MFAP1: variants seen among roughly 807,000 people sequenced by gnomAD.
MFAP1 encodes the protein microfibrillar-associated protein 1.
MFAP1 carries 18 observed loss-of-function variants against 62.2 expected under a neutral mutation model. The ratio of observed to expected loss-of-function variants is 0.29; its 90% confidence interval spans 0.20 to 0.43. The LOEUF (loss-of-function observed/expected upper bound fraction) is 0.43. Ranked by LOEUF, MFAP1 falls within the 20% of genes least tolerant of loss-of-function variation. The probability of loss-of-function intolerance (pLI) is 1.00; values close to 1 mark genes in which losing one functional copy is unlikely to be tolerated. For missense variants in MFAP1, 355 were observed against 559.7 expected (o/e 0.63, Z 3.69); for synonymous variants, 175 against 180.4 (o/e 0.97, Z 0.24).
rs867363170 is a variant in MFAP1, at chr15:43,807,224, G to A, written c.1048-1759C>T. On this transcript the variant is annotated intron_variant, in intron 7 of 8. Coordinates refer to ENST00000267812, the MANE Select transcript of MFAP1 (RefSeq NM_005926.3). ...AAACTAGTTGGGCGTGGTGGTACAC[G>A]CCTGTATTCCCAGCTACTTGGGGGA... Among the ~76,000 whole-genome samples the A allele has an allele frequency of 3.0e-4, 46 of 151,178 alleles. No individual in the cohort carries two copies. In the Middle Eastern group the frequency reaches 0.01, roughly 34 times the overall value.
chr15:43,815,134 G>A, intron 2 of MFAP1, 60 bp from the exon 3 acceptor site: 3 of 1,598,604 alleles, frequency 1.9e-6, no homozygotes, highest in Non-Finnish European at 2.6e-6. Flanking sequence ...AGCATCAACT[G>A]CATTTCCATA....
chr15:43,821,250 A>G (rs1475768809), intron 1 of MFAP1, among the ~76,000 whole-genome samples: 3 of 152,224 alleles, frequency 2.0e-5, no homozygotes, highest in African/African-American at 4.8e-5. Context: ...GAAAGATAAA[A>G]AAGATGTAAA....
chr15:43,816,228 ATTTTT>A (rs146517323), intron 2 of MFAP1, among the ~76,000 whole-genome samples: 1 of 142,790 alleles, frequency 7.0e-6, no homozygotes, highest in Non-Finnish European at 1.5e-5. Flanking sequence ...CTGTAATTTT[ATTTTT>A]TTTTCTTTTT....
In MFAP1 at chr15:43,808,525, T is replaced by C. The variant is rs147237604; in HGVS notation, c.1047+1230A>G. On this transcript the variant is annotated intron_variant, in intron 7 of 8. Transcript: ENST00000267812. The stretch of plus-strand genomic sequence containing the variant: ...AGGACTTTCACATACACTTTTCTTA[T>C]GTATCTTAACTAGCAATGAACTGCT... 5.1e-4 allele frequency among the ~76,000 whole-genome samples: 77 copies of C among 152,348 alleles called. 1 individual carries two copies. The highest frequency in any genetic ancestry group is 1.7e-3 in the African/African-American group (72 of 41,578).
At chr15:43,822,926 C>T (rs544469592) in intron 1 of MFAP1, among the ~76,000 whole-genome samples, 7 of 151,820 alleles carry the variant, frequency 4.6e-5, no homozygotes, top group Non-Finnish European at 7.4e-5. Flanking sequence ...GCAACCTCTG[C>T]CCCCTGAGTT....
chr15:43,806,163 C>T (rs1408688846), intron 7 of MFAP1, among the ~76,000 whole-genome samples: 3 of 152,000 alleles, frequency 2.0e-5, no homozygotes, highest in Non-Finnish European at 2.9e-5. Context: ...TTGGCTTATT[C>T]TCTGCACTCA....
At chr15:43,808,579 C>T (rs537977368) in intron 7 of MFAP1, among the ~76,000 whole-genome samples, 41 of 152,314 alleles carry the variant, frequency 2.7e-4, no homozygotes, top group African/African-American at 9.1e-4. Context: ...ATTAAAGCTG[C>T]GAACTGCTTA....
intron 4 of MFAP1, among the ~76,000 whole-genome samples, chr15:43,813,869 C>G (rs1461817948): frequency 6.6e-6 from 1 of 152,098 alleles, no homozygotes; most frequent in Non-Finnish European, 1.5e-5. Flanking sequence ...GCCTAGACAG[C>G]AAAGAACCTG....
chr15:43,824,404 TG>T, intron 1 of MFAP1, 86 bp downstream of exon 1: 1 of 1,312,502 alleles, frequency 7.6e-7, no homozygotes, highest in African/African-American at 1.5e-5. Flanking sequence ...CTGGCGGGGT[TG>T]GAGTGGTCTG....
chr15:43,812,332 C>T (rs2087407169), intron 6 of MFAP1, among the ~76,000 whole-genome samples: 1 of 152,150 alleles, frequency 6.6e-6, no homozygotes, highest in Non-Finnish European at 1.5e-5. Flanking sequence ...TGTTTCTCCA[C>T]CTGCTTAAAG....
chr15:43,824,353 G>T, intron 1 of MFAP1, 138 bp downstream of exon 1: 1 of 771,638 alleles, frequency 1.3e-6, no homozygotes, highest in Non-Finnish European at 2.1e-6. Context: ...AAGTGGGTGG[G>T]GGTGGAAAGA....
intron 4 of MFAP1, 127 bp from the exon 5 acceptor site, chr15:43,813,484 A>T (rs2087415701): frequency 1.2e-6 from 1 of 828,066 alleles, no homozygotes; most frequent in African/African-American, 1.8e-5. Context: ...TTCAAAGAGC[A>T]AAAAACGCTG....
In MFAP1 at chr15:43,809,337, C is replaced by CA. The variant is rs1170635608; in HGVS notation, c.1047+417dup. Among the ~76,000 whole-genome samples, 811 of 109,510 alleles carry CA rather than the reference C, an allele frequency of 7.4e-3. 7 individuals are homozygous for CA. The highest frequency in any genetic ancestry group is 0.021 in the South Asian group (70 of 3,378). 71.8% of individuals were successfully genotyped at this position (109,510 alleles called of 152,430 possible). On this transcript the variant is annotated intron_variant, in intron 7 of 8. Coordinates refer to ENST00000267812, the MANE Select transcript of MFAP1 (RefSeq NM_005926.3). ...TACGAAAAATTAAAAAAAAAATAAC[C>CA]AAAAAAAAAAAAAAAGCCAGGCATG...
At chr15:43,821,708 T>C (rs2087468008) in intron 1 of MFAP1, among the ~76,000 whole-genome samples, 1 of 152,168 alleles carries the variant, frequency 6.6e-6, no homozygotes, top group Non-Finnish European at 1.5e-5. Context: ...GAAAAACTTA[T>C]CTTAAATATT....
intron 6 of MFAP1, among the ~76,000 whole-genome samples, chr15:43,812,656 T>C (rs1193718853): frequency 6.6e-6 from 1 of 152,158 alleles, no homozygotes; most frequent in Non-Finnish European, 1.5e-5. Context: ...TGAAAAGTAA[T>C]AAATTATAGT....
intron 7 of MFAP1, among the ~76,000 whole-genome samples, chr15:43,808,284 C>T (rs1304880697): frequency 6.6e-6 from 1 of 152,226 alleles, no homozygotes; most frequent in Non-Finnish European, 1.5e-5. Flanking sequence ...CGGCTGACTG[C>T]AGCCTCAACC....
chr15:43,813,506 GTC>G (rs1419633347), intron 4 of MFAP1, 149 bp from the exon 5 acceptor site: 28 of 512,422 alleles, frequency 5.5e-5, no homozygotes, highest in Non-Finnish European at 7.4e-5. Context: ...GTCATCCCAG[GTC>G]TTTTTTTTTT....
At chr15:43,822,831 A>T in intron 1 of MFAP1, among the ~76,000 whole-genome samples, 1 of 151,166 alleles carries the variant, frequency 6.6e-6, no homozygotes, top group Non-Finnish European at 1.5e-5. Flanking sequence ...GCTAATTTTT[A>T]ATTATTATTA....
chr15:43,806,259 A>G (rs2087364756), intron 7 of MFAP1, among the ~76,000 whole-genome samples: 2 of 152,132 alleles, frequency 1.3e-5, no homozygotes, highest in South Asian at 2.1e-4. Flanking sequence ...TTCATATATC[A>G]TAAGTTGGAT....
Sources: allele counts gnomAD v4.1 joint callset (sites outside exome capture counted in the v4.1 genomes callset), GRCh38; gene constraint gnomAD v4.1.1; transcripts MANE v1.5; gene names NCBI Gene and HGNC (gene_info 2026-07-23, HGNC 2026-07-21).